The following CFDP1 variants were observed in gnomAD, a reference collection of about 807,000 sequenced individuals.
CFDP1 encodes chromatin remodeling protein CFDP1.
CFDP1 carries 31 observed loss-of-function variants against 40.1 expected under a neutral mutation model. The observed-to-expected ratio is 0.77, with a 90% CI of 0.58 to 1.04. The LOEUF is 1.04. Ranked by LOEUF, CFDP1 falls within the 50% of genes least tolerant of loss-of-function variation. The probability of loss-of-function intolerance (pLI) is 0.00; values close to 1 mark genes in which losing one functional copy is unlikely to be tolerated. For synonymous variants in CFDP1, 167 were observed against 120.0 expected (o/e 1.39, Z -2.56); for missense variants, 423 against 343.4 (o/e 1.23, Z -1.83).
At chr16:75,382,294 G>A (rs949064820) in intron 5 of CFDP1, among the ~76,000 whole-genome samples, 1 of 152,156 alleles carries the variant, frequency 6.6e-6, no homozygotes, top group Non-Finnish European at 1.5e-5. Context: ...AAAAGTCTTT[G>A]TCACAGACCT....
chr16:75,422,054 G>A (rs149807085), intron 1 of CFDP1, among the ~76,000 whole-genome samples: 34 of 152,284 alleles, frequency 2.2e-4, no homozygotes, highest in Admixed American at 3.9e-4. Flanking sequence ...TACACATTCA[G>A]TACAGACATA....
chr16:75,319,699 G>T (rs1003665991), intron 5 of CFDP1, among the ~76,000 whole-genome samples: 3 of 152,110 alleles, frequency 2.0e-5, no homozygotes, highest in Non-Finnish European at 2.9e-5. Flanking sequence ...TCCAGAGGCA[G>T]CTTCCACTTC....
chr16:75,342,522 C>T (rs1567651182), intron 5 of CFDP1, among the ~76,000 whole-genome samples: 1 of 152,182 alleles, frequency 6.6e-6, no homozygotes, highest in Non-Finnish European at 1.5e-5. Flanking sequence ...GTAAGGAGGT[C>T]ACTGCTGGCT....
At chr16:75,359,939 G>C (rs1273745912) in intron 5 of CFDP1, among the ~76,000 whole-genome samples, 1 of 152,142 alleles carries the variant, frequency 6.6e-6, no homozygotes, top group Non-Finnish European at 1.5e-5. Flanking sequence ...AAAATGATCT[G>C]CTGAGAGACA....
At chr16:75,421,429 A>G (rs977171508) in intron 1 of CFDP1, among the ~76,000 whole-genome samples, 11 of 152,260 alleles carry the variant, frequency 7.2e-5, no homozygotes, top group African/African-American at 2.2e-4. Flanking sequence ...CAAAACCTCA[A>G]TATCAAATTC....
At chr16:75,360,125 C>G (rs920868259) in intron 5 of CFDP1, among the ~76,000 whole-genome samples, 1 of 152,152 alleles carries the variant, frequency 6.6e-6, no homozygotes, top group Non-Finnish European at 1.5e-5. Flanking sequence ...CTTCTGGCCT[C>G]AAGCAATCCT....
intron 5 of CFDP1, among the ~76,000 whole-genome samples, chr16:75,387,209 C>T (rs1333772637): frequency 2.7e-5 from 4 of 150,264 alleles, no homozygotes; most frequent in South Asian, 2.1e-4. Context: ...GGCGCAATCT[C>T]GGCTCACTGC....
intron 6 of CFDP1, among the ~76,000 whole-genome samples, chr16:75,299,685 A>G (rs1236285311): frequency 1.3e-5 from 2 of 152,142 alleles, no homozygotes; most frequent in Non-Finnish European, 2.9e-5. Context: ...AGACACTGCC[A>G]TGGTGCAGCA....
intron 5 of CFDP1, among the ~76,000 whole-genome samples, chr16:75,384,453 T>G (rs1466362401): frequency 6.6e-6 from 1 of 152,124 alleles, no homozygotes; most frequent in African/African-American, 2.4e-5. Flanking sequence ...CGTGGAGAAA[T>G]GCAGATAAAT....
intron 1 of CFDP1, among the ~76,000 whole-genome samples, chr16:75,422,967 G>A (rs982033045): frequency 3.3e-5 from 5 of 151,840 alleles, no homozygotes; most frequent in African/African-American, 1.2e-4. Context: ...AACATGGTGA[G>A]AGACCTCATC....
At chr16:75,397,462 C>T (rs1009250658) in intron 4 of CFDP1, among the ~76,000 whole-genome samples, 2 of 151,914 alleles carry the variant, frequency 1.3e-5, no homozygotes, top group African/African-American at 4.8e-5. Context: ...GCCAAGATAG[C>T]ATCACTGCAC....
At chr16:75,354,479 C>A (rs1288444576) in intron 5 of CFDP1, among the ~76,000 whole-genome samples, 1 of 152,062 alleles carries the variant, frequency 6.6e-6, no homozygotes, top group Non-Finnish European at 1.5e-5. Flanking sequence ...AGGTTCACAG[C>A]CTTGGTGTTA....
At chr16:75,323,133 C>T (rs935684001) in intron 5 of CFDP1, among the ~76,000 whole-genome samples, 5 of 151,782 alleles carry the variant, frequency 3.3e-5, no homozygotes, top group Non-Finnish European at 7.4e-5. Context: ...TAGCTTAAAA[C>T]ATAGCACAGC....
intron 5 of CFDP1, among the ~76,000 whole-genome samples, chr16:75,379,452 T>C (rs1035221088): frequency 5.9e-5 from 9 of 151,934 alleles, no homozygotes; most frequent in African/African-American, 1.9e-4. Flanking sequence ...TCTACCCAAA[T>C]AAATTTGGCA....
At chr16:75,380,352 C>A (rs1199303607) in intron 5 of CFDP1, among the ~76,000 whole-genome samples, 1 of 151,994 alleles carries the variant, frequency 6.6e-6, no homozygotes, top group East Asian at 1.9e-4. Flanking sequence ...AAAGAAGGAA[C>A]TGAAAACCAC....
At chr16:75,352,814 A>T (rs2078622228) in intron 5 of CFDP1, among the ~76,000 whole-genome samples, 1 of 152,218 alleles carries the variant, frequency 6.6e-6, no homozygotes, top group Non-Finnish European at 1.5e-5. Flanking sequence ...ACATGATCCT[A>T]GTGTATCTAG....
chr16:75,353,278 A>C (rs1482130303), intron 5 of CFDP1, among the ~76,000 whole-genome samples: 1 of 152,214 alleles, frequency 6.6e-6, no homozygotes, highest in Non-Finnish European at 1.5e-5. Flanking sequence ...TATCATGAAG[A>C]CATTATTTTT....
At chr16:75,334,942 G>A (rs181984513) in intron 5 of CFDP1, among the ~76,000 whole-genome samples, 26 of 149,874 alleles carry the variant, frequency 1.7e-4, no homozygotes, top group East Asian at 9.7e-4. Context: ...GCGACAAAGC[G>A]AGACACTCTG....
At chr16:75,349,674 A>ATAT (rs2078595517) in intron 5 of CFDP1, among the ~76,000 whole-genome samples, 4 of 5,892 alleles carry the variant, frequency 6.8e-4, no homozygotes, top group African/African-American at 1.4e-3. Flanking sequence ...AAAAAAAAAA[A>ATAT]AAAAAAAAAA....
Sources: allele counts gnomAD v4.1 joint callset (sites outside exome capture counted in the v4.1 genomes callset), GRCh38; gene constraint gnomAD v4.1.1; transcripts MANE v1.5; gene names NCBI Gene and HGNC (gene_info 2026-07-23, HGNC 2026-07-21).